The following SIPA1L3 variants were observed in gnomAD, a reference collection of about 807,000 sequenced individuals.
The protein encoded by SIPA1L3 is signal induced proliferation associated 1 like 3, also known as signal-induced proliferation-associated 1-like protein 3.
SIPA1L3 carries 59 observed loss-of-function variants against 150.1 expected under a neutral mutation model. That is an observed-to-expected ratio of 0.39 (90% confidence interval 0.32 to 0.49). SIPA1L3 has a LOEUF of 0.49. Among genes scored for constraint, SIPA1L3 ranks in the 20% least tolerant of loss-of-function variants. The pLI, the probability that SIPA1L3 is intolerant of heterozygous loss-of-function variation, is 0.86. For synonymous variants in SIPA1L3, 1,070 were observed against 1,077.6 expected, an observed-to-expected ratio of 0.99 and a Z score of 0.14; for missense variants, 2,211 against 2,489.5, an observed-to-expected ratio of 0.89 and a Z score of 2.38.
chr19:38,178,870 A>G (rs1972501508), intron 15 of SIPA1L3, among the ~76,000 whole-genome samples: 1 of 152,134 alleles, frequency 6.6e-6, no homozygotes, highest in South Asian at 2.1e-4. Context: ...TCTTGGTGTT[A>G]CATGCTTCAG....
chr19:38,156,035 C>A (rs188867276), intron 13 of SIPA1L3, among the ~76,000 whole-genome samples: 5 of 151,798 alleles, frequency 3.3e-5, no homozygotes, highest in Non-Finnish European at 5.9e-5. Context: ...AAGCTGAGAT[C>A]GCGCCGTTCC....
chr19:38,001,826 TAAC>T (rs1967814235), intron 1 of SIPA1L3, among the ~76,000 whole-genome samples: 1 of 152,164 alleles, frequency 6.6e-6, no homozygotes, highest in Admixed American at 6.5e-5. Flanking sequence ...ACAATATACA[TAAC>T]AAATTTTTTT....
intron 16 of SIPA1L3, among the ~76,000 whole-genome samples, chr19:38,183,960 A>C (rs1259784904): frequency 6.6e-6 from 1 of 152,160 alleles, no homozygotes; most frequent in East Asian, 1.9e-4. Flanking sequence ...GGCAGAATTG[A>C]GGAGCTGCGT....
At chr19:38,120,987 T>G (rs900835240) in intron 9 of SIPA1L3, among the ~76,000 whole-genome samples, 1 of 152,208 alleles carries the variant, frequency 6.6e-6, no homozygotes, top group African/African-American at 2.4e-5. Context: ...TGCATGACCT[T>G]GAGCCAAGTT....
chr19:37,976,157 G>A (rs1477243212), intron 1 of SIPA1L3, among the ~76,000 whole-genome samples: 2 of 151,554 alleles, frequency 1.3e-5, no homozygotes, highest in African/African-American at 4.9e-5. Flanking sequence ...ACAATGAGTG[G>A]TGGGGGCCAG....
At chr19:38,179,960 A>G (rs1972521640) in intron 15 of SIPA1L3, among the ~76,000 whole-genome samples, 1 of 152,076 alleles carries the variant, frequency 6.6e-6, no homozygotes, top group African/African-American at 2.4e-5. Flanking sequence ...CTCCTGCCTC[A>G]GCCTCCTGAG....
chr19:38,030,324 G>A (rs1389864461), intron 2 of SIPA1L3, among the ~76,000 whole-genome samples: 1 of 152,014 alleles, frequency 6.6e-6, no homozygotes, highest in African/African-American at 2.4e-5. Context: ...CACTTTGAGA[G>A]GCTGAGGCTC....
At chr19:38,054,701 T>C (rs1356142351) in intron 2 of SIPA1L3, among the ~76,000 whole-genome samples, 1 of 152,200 alleles carries the variant, frequency 6.6e-6, no homozygotes, top group African/African-American at 2.4e-5. Context: ...GAAGAGGAGC[T>C]CCACAGCTTC....
chr19:38,108,603 G>A (rs1271060518), intron 7 of SIPA1L3: 4 of 152,272 alleles, frequency 2.6e-5, no homozygotes, highest in African/African-American at 9.6e-5. Flanking sequence ...TGTGAGCCAT[G>A]TCACTTAGAG....
chr19:38,194,105 A>G (rs1388587600), intron 18 of SIPA1L3, among the ~76,000 whole-genome samples: 1 of 152,064 alleles, frequency 6.6e-6, no homozygotes, highest in Non-Finnish European at 1.5e-5. Flanking sequence ...CTGTTGCCCT[A>G]GCACCCCCCA....
chr19:38,135,287 C>A (rs7255196), intron 10 of SIPA1L3, among the ~76,000 whole-genome samples: 11,613 of 152,128 alleles, frequency 0.076, 1,320 homozygotes, highest in African/African-American at 0.24. Flanking sequence ...CACCCCTACC[C>A]ACATCCCAGA....
At chr19:38,176,840 A>G (rs953784025) in intron 15 of SIPA1L3, among the ~76,000 whole-genome samples, 2 of 151,960 alleles carry the variant, frequency 1.3e-5, no homozygotes, top group Non-Finnish European at 2.9e-5. Context: ...GTGTGGTGGC[A>G]CATGCCTGTA....
intron 20 of SIPA1L3, among the ~76,000 whole-genome samples, chr19:38,203,005 G>A (rs1260191665): frequency 2.0e-5 from 3 of 152,174 alleles, no homozygotes; most frequent in Non-Finnish European, 4.4e-5. Context: ...GATTTAAATA[G>A]TGCATTTCAC....
Position 38,206,411 on chromosome 19 carries a change from C to T in SIPA1L3, c.*171C>T. ...CACTAGGGCTGTGAGTCAGGGTCAG[C>T]GCGCACAGCCCTCATGCCCCAGAGG... On this transcript the variant is annotated 3_prime_UTR_variant, in exon 22 of 22. Coordinates refer to ENST00000222345, the MANE Select transcript of SIPA1L3 (RefSeq NM_015073.3). The T allele has an allele frequency of 1.3e-6, 1 of 783,524 alleles. No homozygotes were observed. Among genetic ancestry groups the T allele is most frequent in the Non-Finnish European group, 2.0e-6 (1 of 510,234 alleles). 48.5% of individuals were successfully genotyped at this position (783,524 alleles called of 1,614,324 possible).
Position 38,150,991 on chromosome 19 carries a change from G to T in SIPA1L3, c.3534-1849G>T, listed in dbSNP as rs373946291. On this transcript the variant is annotated intron_variant, in intron 12 of 21. Coordinates refer to ENST00000222345, the MANE Select transcript of SIPA1L3 (RefSeq NM_015073.3). ...AAAAGGAAGCTCAGGAGCAGGGCAG[G>T]TTCCAGGGAGGGTGAACCCAGCATC... Among the ~76,000 whole-genome samples, 224 of 152,326 alleles carry T rather than the reference G, an allele frequency of 1.5e-3. 2 individuals are homozygous for T. The South Asian group carries it at 0.015, about 10-fold the overall frequency.
chr19:38,162,074 C>T (rs116972169), intron 13 of SIPA1L3, among the ~76,000 whole-genome samples, 179 bp from the exon 14 acceptor site: 169 of 152,284 alleles, frequency 1.1e-3, no homozygotes, highest in Non-Finnish European at 2.1e-3. Flanking sequence ...GCCCTCAGAA[C>T]GGTGTCTGGC....
In SIPA1L3 at chr19:38,081,684, G is replaced by A. The variant is rs761656220; in HGVS notation, c.119G>A (p.Trp40Ter). The A allele has an allele frequency of 7.4e-6, 12 of 1,612,122 alleles. No individual in the cohort carries two copies. The highest frequency in any genetic ancestry group is 9.3e-6 in the Non-Finnish European group (11 of 1,179,806). ...GGGGACTACGCTCCCTTGGGATTCTGGGCCCAGAATGGCAGCATGTCCCAG... is the reference window on the plus strand; with the variant it reads ...GGGGACTACGCTCCCTTGGGATTCTAGGCCCAGAATGGCAGCATGTCCCAG... ...HTGDYAPLGF[W>*]AQNGSMSQPL... is the part of the protein sequence containing the mutation. Residue 40 changes from tryptophan to a stop codon, truncating the protein, a stop_gained, in exon 3 of 22, where the codon TGG becomes TAG. Coordinates refer to ENST00000222345, the MANE Select transcript of SIPA1L3 (RefSeq NM_015073.3). LOFTEE classifies it high-confidence loss of function.
chr19:38,123,721 C>G (rs1323905672), intron 9 of SIPA1L3, among the ~76,000 whole-genome samples: 1 of 152,084 alleles, frequency 6.6e-6, no homozygotes, highest in African/African-American at 2.4e-5. Context: ...ACCTTTCCCC[C>G]CTTTCTATTC....
chr19:38,062,406 A>G (rs1302301365), intron 2 of SIPA1L3, among the ~76,000 whole-genome samples: 1 of 152,070 alleles, frequency 6.6e-6, no homozygotes, highest in Non-Finnish European at 1.5e-5. Flanking sequence ...TGCTGCTCTG[A>G]GCCTCCCTGT....
Sources: allele counts gnomAD v4.1 joint callset (sites outside exome capture counted in the v4.1 genomes callset), GRCh38; gene constraint gnomAD v4.1.1; transcripts MANE v1.5; gene names NCBI Gene and HGNC (gene_info 2026-07-23, HGNC 2026-07-21).